The following TENM2 variants were observed in gnomAD, a reference collection of about 807,000 sequenced individuals.
TENM2 encodes the protein teneurin-2.
In TENM2, 52 loss-of-function variants were observed where a neutral mutation model predicts 245.2. The observed-to-expected ratio is 0.21, with a 90% confidence interval of 0.17 to 0.27. TENM2 has a LOEUF of 0.27. Ranked by LOEUF, TENM2 falls within the 10% of genes least tolerant of loss-of-function variation. The pLI is 1.00. For missense variants in TENM2, 3,046 were observed against 3,666.8 expected (o/e 0.83, Z 4.37); for synonymous variants, 1,363 against 1,438.9 (o/e 0.95, Z 1.19).
Position 168,015,555 on chromosome 5 carries a change from A to T in TENM2, c.1186+22373A>T, listed in dbSNP as rs1224185802. Among the ~76,000 whole-genome samples the T allele has an allele frequency of 2.0e-5, 3 of 152,240 alleles. No individual in the cohort carries two copies. In the East Asian group the frequency reaches 5.8e-4, roughly 29 times the overall value. The stretch of plus-strand genomic sequence containing the variant: ...TGCCGCAAAGAAGACTAAGGCACTT[A>T]TTCCATGTGCTGCGCCTCAAGGAGA... On this transcript the variant is annotated intron_variant, in intron 5 of 28. Coordinates refer to ENST00000518659, the Ensembl canonical transcript of TENM2.
chr5:168,041,992 G>A (rs114521771), intron 5 of TENM2, among the ~76,000 whole-genome samples: 3 of 152,162 alleles, frequency 2.0e-5, no homozygotes, highest in African/African-American at 7.2e-5. Flanking sequence ...TTCCACTGTG[G>A]TTCTCTCCTC....
rs188281636 is a variant in TENM2, at chr5:167,439,040, C to T, written c.502+63567C>T. On this transcript the variant is annotated intron_variant, in intron 2 of 28. Transcript: ENST00000518659. ...AACTCCTGACCTCAGGTGATCCACC[C>T]GCCTCAGCCTCTCAAAGTGCTGGGA... is the stretch of plus-strand genomic sequence containing the variant. 2.6e-3 allele frequency among the ~76,000 whole-genome samples: 398 copies of T among 152,026 alleles called. 2 individuals carry two copies. The highest frequency in any genetic ancestry group is 9.1e-3 in the African/African-American group (376 of 41,484).
intron 19 of TENM2, among the ~76,000 whole-genome samples, chr5:168,205,077 A>G (rs1224041787): frequency 6.6e-6 from 1 of 152,188 alleles, no homozygotes; most frequent in Non-Finnish European, 1.5e-5. Context: ...TGGCCAGCCT[A>G]GGTAGATTCC....
chr5:167,244,806 G>A, the TENM2 span, among the ~76,000 whole-genome samples: 4 of 152,152 alleles, frequency 2.6e-5, no homozygotes, highest in Non-Finnish European at 2.9e-5. Context: ...CTCATCACTT[G>A]GATGCACCCA....
At position 167,497,363 on chromosome 5, in the gene TENM2, A is replaced by G. The variant is rs75266990; in HGVS notation, c.502+121890A>G. Among the ~76,000 whole-genome samples the G allele has an allele frequency of 2.6e-3, 397 of 152,232 alleles. 4 individuals are homozygous for G. In the East Asian group the frequency reaches 0.026, roughly 10 times the overall value. On this transcript the variant is annotated intron_variant, in intron 2 of 28. Coordinates refer to ENST00000518659, the Ensembl canonical transcript of TENM2. ...TTAATTTCTCAGACTCTTTTCATGA[A>G]TTATTCTAAAAAGATGTTCTCTGAC...
At chr5:168,111,498 G>A (rs1014950580) in intron 9 of TENM2, among the ~76,000 whole-genome samples, 6 of 152,142 alleles carry the variant, frequency 3.9e-5, no homozygotes, top group Admixed American at 3.9e-4. Flanking sequence ...GGTGATCTTT[G>A]CATTTGTATT....
intron 2 of TENM2, among the ~76,000 whole-genome samples, chr5:167,801,109 A>AAAAAAAAAT (rs1444227809): frequency 1.5e-5 from 1 of 66,556 alleles, no homozygotes; most frequent in Non-Finnish European, 2.7e-5. Context: ...AAAAAAAAAA[A>AAAAAAAAAT]ATATATATAT....
intron 2 of TENM2, among the ~76,000 whole-genome samples, chr5:167,510,812 C>A (rs1189148684): frequency 1.3e-5 from 2 of 152,140 alleles, no homozygotes; most frequent in East Asian, 3.9e-4. Flanking sequence ...TGCAATACTT[C>A]TGATGTTTTG....
chr5:167,749,025 G>T (rs761247942), intron 2 of TENM2, among the ~76,000 whole-genome samples: 90 of 152,064 alleles, frequency 5.9e-4, no homozygotes, highest in Admixed American at 2.6e-4. Context: ...AGGATTACAG[G>T]TGTAAGCCAC....
At chr5:167,295,764 C>T (rs1225870462) in intron 1 of TENM2, among the ~76,000 whole-genome samples, 1 of 152,130 alleles carries the variant, frequency 6.6e-6, no homozygotes, top group Non-Finnish European at 1.5e-5. Context: ...AATTGGCATG[C>T]ACATCTCACA....
chr5:167,393,298 G>A (rs1895264), intron 2 of TENM2, among the ~76,000 whole-genome samples: 87,282 of 151,866 alleles, frequency 0.57, 25,922 homozygotes, highest in African/African-American at 0.73. Context: ...AAAGAAGACA[G>A]TAGAAATAGA....
At chr5:168,205,761 A>G (rs1046359559) in intron 19 of TENM2, among the ~76,000 whole-genome samples, 1 of 152,216 alleles carries the variant, frequency 6.6e-6, no homozygotes, top group Non-Finnish European at 1.5e-5. Flanking sequence ...CTTAGACAAG[A>G]GTACATTGTA....
chr5:168,009,506 C>T (rs1271583455), intron 5 of TENM2, among the ~76,000 whole-genome samples: 2 of 152,076 alleles, frequency 1.3e-5, no homozygotes, highest in African/African-American at 4.8e-5. Context: ...TGCCCTCCTC[C>T]CCCCGCCCTC....
chr5:167,584,643 C>A (rs1195401940), intron 2 of TENM2, among the ~76,000 whole-genome samples: 1 of 151,998 alleles, frequency 6.6e-6, no homozygotes, highest in Non-Finnish European at 1.5e-5. Context: ...GCCTTAGATT[C>A]CCTACCCCTC....
At chr5:168,011,799 C>T (rs946206781) in intron 5 of TENM2, among the ~76,000 whole-genome samples, 1 of 152,182 alleles carries the variant, frequency 6.6e-6, no homozygotes, top group Non-Finnish European at 1.5e-5. Context: ...CTTCCTAAAG[C>T]ATGACTTGCT....
intron 3 of TENM2, among the ~76,000 whole-genome samples, chr5:167,884,902 A>G (rs1022299125): frequency 2.6e-5 from 4 of 152,148 alleles, no homozygotes; most frequent in Non-Finnish European, 4.4e-5. Flanking sequence ...GTCACTCTAC[A>G]TCTTCTCCAA....
chr5:167,538,613 A>G (rs1582327006), intron 2 of TENM2, among the ~76,000 whole-genome samples: 2 of 152,226 alleles, frequency 1.3e-5, no homozygotes, highest in Admixed American at 1.3e-4. Flanking sequence ...GAAGGTAACT[A>G]TCAGTACAGA....
At chr5:167,542,700 C>T (rs1431972131) in intron 2 of TENM2, among the ~76,000 whole-genome samples, 1 of 152,164 alleles carries the variant, frequency 6.6e-6, no homozygotes, top group African/African-American at 2.4e-5. Context: ...CAAACAAGAA[C>T]TTTACCTTTG....
At chr5:167,614,338 T>C (rs1777649347) in intron 2 of TENM2, among the ~76,000 whole-genome samples, 1 of 152,080 alleles carries the variant, frequency 6.6e-6, no homozygotes, top group African/African-American at 2.4e-5. Context: ...CTCATCCCTT[T>C]CCCTACGTTT....
Sources: allele counts gnomAD v4.1 joint callset (sites outside exome capture counted in the v4.1 genomes callset), GRCh38; gene constraint gnomAD v4.1.1; transcripts MANE v1.5; gene names NCBI Gene and HGNC (gene_info 2026-07-23, HGNC 2026-07-21).